Variants in CRYBG1 observed in about 807,000 individuals in gnomAD.
The protein encoded by CRYBG1 is crystallin beta-gamma domain containing 1.
A neutral mutation model predicts 189.2 loss-of-function variants in CRYBG1; 139 were observed. The ratio of observed to expected loss-of-function variants is 0.73; its 90% CI spans 0.64 to 0.85. The LOEUF is 0.85. Ranked by LOEUF, CRYBG1 falls within the 40% of genes least tolerant of loss-of-function variation. The pLI, the probability that CRYBG1 is intolerant of heterozygous loss-of-function variation, is 0.00. For missense variants in CRYBG1, 2,611 were observed against 2,675.8 expected, an observed-to-expected ratio of 0.98 and a Z score of 0.53; for synonymous variants, 1,023 against 1,017.1, an observed-to-expected ratio of 1.01 and a Z score of -0.11.
chr6:106,545,905 C>T (rs1325257707), intron 13 of CRYBG1, among the ~76,000 whole-genome samples: 1 of 152,194 alleles, frequency 6.6e-6, no homozygotes, highest in African/African-American at 2.4e-5. Context: ...GTCTCAAACT[C>T]CTGAGCTCAG....
chr6:106,571,877 T>C lies in CRYBG1; in HGVS notation c.*3311T>C. On this transcript the variant is annotated 3_prime_UTR_variant, in exon 22 of 22. Coordinates refer to ENST00000633556, the MANE Select transcript of CRYBG1 (RefSeq NM_001371242.2). ...TGGTGTGTTTATTTTTTAAAGCTTG[T>C]ATCATGGAATGTATAATCTAATCTG... 1.6e-6 allele frequency: 1 copy of C among 625,434 alleles called. No individual in the cohort carries two copies. 38.7% of individuals were successfully genotyped at this position (625,434 alleles called of 1,614,324 possible). A position where few individuals can be genotyped will look rare whatever the true frequency, so the allele number is the denominator to read the frequency against.
At chr6:106,383,445 A>G (rs954761267) in intron 1 of CRYBG1, among the ~76,000 whole-genome samples, 2 of 152,248 alleles carry the variant, frequency 1.3e-5, no homozygotes, top group African/African-American at 2.4e-5. Flanking sequence ...TGCATGTCCC[A>G]AACTTATCCT....
chr6:106,529,014 G>A (rs1482402435), intron 7 of CRYBG1, among the ~76,000 whole-genome samples: 1 of 151,236 alleles, frequency 6.6e-6, no homozygotes, highest in African/African-American at 2.4e-5. Context: ...TGCAATCTCA[G>A]CTCACTGCAA....
chr6:106,465,795 C>CT (rs1347382466), intron 2 of CRYBG1, among the ~76,000 whole-genome samples: 2 of 152,026 alleles, frequency 1.3e-5, no homozygotes, highest in Non-Finnish European at 2.9e-5. Context: ...AAATACAGGT[C>CT]TTTTTTTGCT....
intron 2 of CRYBG1, among the ~76,000 whole-genome samples, chr6:106,509,377 A>G (rs139548772): frequency 2.0e-5 from 3 of 152,242 alleles, no homozygotes; most frequent in African/African-American, 7.2e-5. Context: ...GGAAGTTACA[A>G]TATTTTAATT....
At chr6:106,499,224 C>T (rs1772932856) in intron 2 of CRYBG1, among the ~76,000 whole-genome samples, 1 of 149,482 alleles carries the variant, frequency 6.7e-6, no homozygotes, top group Non-Finnish European at 1.5e-5. Flanking sequence ...GTGATCTCAG[C>T]TCACCGCAAC....
chr6:106,509,819 C>A (rs192866305), intron 2 of CRYBG1, among the ~76,000 whole-genome samples: 1 of 152,062 alleles, frequency 6.6e-6, no homozygotes, highest in African/African-American at 2.4e-5. Context: ...GCCTCTCCCC[C>A]CCACCCCAAT....
chr6:106,506,302 TGGAAA>T (rs1773131349), intron 2 of CRYBG1, among the ~76,000 whole-genome samples: 1 of 152,168 alleles, frequency 6.6e-6, no homozygotes, highest in African/African-American at 2.4e-5. Context: ...TGCTAGCTGT[TGGAAA>T]GGCAACAGAA....
At chr6:106,567,132 CAA>C (rs1241660937) in intron 21 of CRYBG1, among the ~76,000 whole-genome samples, 2 of 152,150 alleles carry the variant, frequency 1.3e-5, no homozygotes, top group East Asian at 3.9e-4. Flanking sequence ...TTTTAAAATA[CAA>C]AAGATACTCT....
At chr6:106,478,929 G>C (rs373799335) in intron 2 of CRYBG1, among the ~76,000 whole-genome samples, 1 of 152,180 alleles carries the variant, frequency 6.6e-6, no homozygotes, top group African/African-American at 2.4e-5. Flanking sequence ...AGCTGGGACC[G>C]TCTAGTTGCA....
chr6:106,409,272 A>G (rs952752527), intron 1 of CRYBG1, among the ~76,000 whole-genome samples: 13 of 152,234 alleles, frequency 8.5e-5, no homozygotes, highest in Non-Finnish European at 1.5e-4. Context: ...CACATTCACA[A>G]TTGCTACAAA....
In CRYBG1 at chr6:106,441,734, A is replaced by G. The variant is rs148090205; in HGVS notation, c.174-9960A>G. On this transcript the variant is annotated intron_variant, in intron 1 of 21. Transcript: ENST00000633556. ...AAAGATATGATTCAGACAATTATGA[A>G]TTATGTACTAATTACTGATCATTTT... Among the ~76,000 whole-genome samples, 404 of 152,298 alleles carry G rather than the reference A, an allele frequency of 2.7e-3. 3 individuals carry two copies. The highest frequency in any genetic ancestry group is 9.6e-3 in the African/African-American group (397 of 41,560).
chr6:106,399,962 C>A (rs903588252), intron 1 of CRYBG1, among the ~76,000 whole-genome samples: 2 of 151,272 alleles, frequency 1.3e-5, no homozygotes, highest in African/African-American at 4.9e-5. Flanking sequence ...CATGGTGAAA[C>A]CCCGTCTATA....
At chr6:106,541,515 C>T in intron 9 of CRYBG1, 71 bp from the exon 10 acceptor site, 3 of 1,393,864 alleles carry the variant, frequency 2.2e-6, no homozygotes, top group Non-Finnish European at 3.1e-6. Flanking sequence ...TTACTGTAAA[C>T]TGCTATGGCT....
chr6:106,535,592 C>T (rs943038992), intron 8 of CRYBG1, among the ~76,000 whole-genome samples: 2 of 152,136 alleles, frequency 1.3e-5, no homozygotes, highest in African/African-American at 2.4e-5. Context: ...TTCAATAGTC[C>T]ATCACCAAAT....
Position 106,558,616 on chromosome 6 carries a change from T to C in CRYBG1, c.5846T>C (p.Ile1949Thr). Residue 1949 changes from isoleucine (I) to threonine (T), a missense_variant, in exon 18 of 22, where the codon ATT becomes ACT. Ile to Thr is a moderately conservative substitution (Grantham distance 89). This residue lies in a region of CRYBG1 where 1,622 missense variants were observed against 1,735.0 expected (regional missense o/e 0.93). Transcript: ENST00000633556. ...ACACAAATACGCTCTGTTCAGGTTA[T>C]TGGTGGCATGTGAGTTACCTACTTG... ...FNTQIRSVQVIGGIWVTYEYG... is the reference protein window; with the variant it reads ...FNTQIRSVQVTGGIWVTYEYG... The C allele has an allele frequency of 2.5e-6, 4 of 1,600,178 alleles. No homozygotes were observed. The highest frequency in any genetic ancestry group is 1.1e-5 in the South Asian group (1 of 87,788).
At chr6:106,455,679 T>G (rs1157493475) in intron 2 of CRYBG1, among the ~76,000 whole-genome samples, 1 of 152,184 alleles carries the variant, frequency 6.6e-6, no homozygotes, top group Admixed American at 6.5e-5. Context: ...TAAATTAAAT[T>G]GTCATATTTT....
intron 1 of CRYBG1, among the ~76,000 whole-genome samples, chr6:106,395,446 T>C (rs945736769): frequency 6.6e-6 from 1 of 152,008 alleles, no homozygotes; most frequent in African/African-American, 2.4e-5. Flanking sequence ...TCATTAATTT[T>C]CAGTTTTTCC....
rs141021810 is a variant in CRYBG1, at chr6:106,412,233, T to C, written c.174-39461T>C. ...GTGGGGCACCACCCTGGTGCTGACATTAAAGACCCAGCTTGATTGAATGTA... is the reference window on the plus strand; with the variant it reads ...GTGGGGCACCACCCTGGTGCTGACACTAAAGACCCAGCTTGATTGAATGTA... On this transcript the variant is annotated intron_variant, in intron 1 of 21. Transcript: ENST00000633556. Among the ~76,000 whole-genome samples, 642 of 152,372 alleles carry C rather than the reference T, an allele frequency of 4.2e-3. 8 individuals are homozygous for C. The highest frequency in any genetic ancestry group is 0.016 in the South Asian group (78 of 4,830).
Sources: allele counts gnomAD v4.1 joint callset (sites outside exome capture counted in the v4.1 genomes callset), GRCh38; gene constraint gnomAD v4.1.1; regional missense constraint gnomAD v4.1.1; transcripts MANE v1.5; gene names NCBI Gene and HGNC (gene_info 2026-07-23, HGNC 2026-07-21).